The following LUZP2 variants were observed in gnomAD, a reference collection of about 807,000 sequenced individuals.
LUZP2 encodes leucine zipper protein 2.
A neutral mutation model predicts 51.6 loss-of-function variants in LUZP2; 52 were observed. The ratio of observed to expected loss-of-function variants is 1.01; its 90% CI spans 0.81 to 1.27. The LOEUF is 1.27. LUZP2 is among the 50% of genes most tolerant of loss of function. The probability of loss-of-function intolerance (pLI) is 0.00; values close to 1 mark genes in which losing one functional copy is unlikely to be tolerated. For missense variants in LUZP2, 436 were observed against 395.4 expected (o/e 1.10, Z -0.87); for synonymous variants, 154 against 137.3 (o/e 1.12, Z -0.85).
At chr11:25,010,180 G>A (rs1160119580) in intron 9 of LUZP2, among the ~76,000 whole-genome samples, 2 of 152,086 alleles carry the variant, frequency 1.3e-5, no homozygotes, top group Non-Finnish European at 2.9e-5. Flanking sequence ...TCAAGCATAT[G>A]CTGCTATTTC....
intron 7 of LUZP2, among the ~76,000 whole-genome samples, chr11:24,945,709 C>T (rs1235669787): frequency 1.3e-5 from 2 of 151,936 alleles, no homozygotes; most frequent in Non-Finnish European, 2.9e-5. Flanking sequence ...CATGGTTTTC[C>T]ATTTCTTCTA....
At chr11:24,588,331 C>T (rs1008046369) in intron 1 of LUZP2, among the ~76,000 whole-genome samples, 13 of 152,046 alleles carry the variant, frequency 8.6e-5, no homozygotes, top group African/African-American at 3.1e-4. Context: ...TCGCCATGGG[C>T]AATGACAGTT....
chr11:24,882,472 C>T (rs941917570), intron 5 of LUZP2, among the ~76,000 whole-genome samples: 6 of 151,964 alleles, frequency 3.9e-5, no homozygotes, highest in Non-Finnish European at 8.8e-5. Flanking sequence ...CCATAGTTTA[C>T]ATTAGGATAT....
intron 1 of LUZP2, among the ~76,000 whole-genome samples, chr11:24,548,873 A>T (rs1851638615): frequency 6.6e-6 from 1 of 152,000 alleles, no homozygotes. Context: ...CTAGAAGTAG[A>T]TGTTTGCTAA....
chr11:24,602,116 A>ATGTATATG (rs1565020357), intron 1 of LUZP2, among the ~76,000 whole-genome samples: 39 of 72,730 alleles, frequency 5.4e-4, no homozygotes, highest in African/African-American at 2.1e-3. Flanking sequence ...ATGTGTATAT[A>ATGTATATG]TGTATATATG....
intron 9 of LUZP2, among the ~76,000 whole-genome samples, chr11:24,995,603 G>A (rs1228453856): frequency 1.3e-5 from 2 of 151,290 alleles, no homozygotes; most frequent in East Asian, 3.9e-4. Context: ...AAGCTAGGTT[G>A]ACAGATTTTT....
At position 24,561,840 on chromosome 11, in the gene LUZP2, A is replaced by C. The variant is rs553190058; in HGVS notation, c.62+64535A>C. ...GTATAATAATAATAATGATAATAATAAAGAATTATGCTAAGGAAAGCACTA... is the reference window on the plus strand; with the variant it reads ...GTATAATAATAATAATGATAATAATCAAGAATTATGCTAAGGAAAGCACTA... On this transcript the variant is annotated intron_variant, in intron 1 of 11. Transcript: ENST00000336930. Among the ~76,000 whole-genome samples, 382 of 151,838 alleles carry C rather than the reference A, an allele frequency of 2.5e-3. 1 individual carries two copies. In the Middle Eastern group the frequency reaches 0.038, roughly 15 times the overall value.
At chr11:24,714,701 C>A (rs1346250858) in intron 1 of LUZP2, among the ~76,000 whole-genome samples, 2 of 152,064 alleles carry the variant, frequency 1.3e-5, no homozygotes, top group Non-Finnish European at 2.9e-5. Flanking sequence ...GCTCATGAAT[C>A]CTCCAATTTT....
chr11:24,991,168 GC>G (rs1363564800), intron 9 of LUZP2, among the ~76,000 whole-genome samples: 2 of 151,716 alleles, frequency 1.3e-5, no homozygotes, highest in Admixed American at 1.3e-4. Flanking sequence ...TCATTCATAT[GC>G]CTTTGCATCC....
At chr11:24,763,777 C>T (rs887018750) in intron 5 of LUZP2, among the ~76,000 whole-genome samples, 2 of 152,046 alleles carry the variant, frequency 1.3e-5, no homozygotes, top group Non-Finnish European at 2.9e-5. Flanking sequence ...TGTAAGCATC[C>T]TATTAAATAC....
At chr11:24,766,452 T>C (rs939850495) in intron 5 of LUZP2, among the ~76,000 whole-genome samples, 1 of 152,176 alleles carries the variant, frequency 6.6e-6, no homozygotes, top group East Asian at 1.9e-4. Flanking sequence ...AAGAAAAAGA[T>C]TGAAAATGTA....
intron 5 of LUZP2, among the ~76,000 whole-genome samples, chr11:24,890,143 A>G (rs1238303937): frequency 1.3e-5 from 2 of 152,184 alleles, no homozygotes; most frequent in Non-Finnish European, 2.9e-5. Context: ...TATAATCTGT[A>G]ACATGTAATT....
chr11:24,618,933 T>C (rs753560720), intron 1 of LUZP2, among the ~76,000 whole-genome samples: 1 of 152,148 alleles, frequency 6.6e-6, no homozygotes, highest in Non-Finnish European at 1.5e-5. Flanking sequence ...GCCATCATGC[T>C]TCAGCTAGAA....
At chr11:24,753,645 G>A (rs1275056191) in intron 4 of LUZP2, among the ~76,000 whole-genome samples, 2 of 152,154 alleles carry the variant, frequency 1.3e-5, no homozygotes, top group African/African-American at 4.8e-5. Context: ...CACATGAGGT[G>A]TGTTCAAATA....
intron 1 of LUZP2, among the ~76,000 whole-genome samples, chr11:24,519,892 C>G (rs564672692): frequency 1.3e-4 from 20 of 152,218 alleles, no homozygotes; most frequent in African/African-American, 4.6e-4. Context: ...CATGAAGATA[C>G]TTGTTGACAG....
intron 1 of LUZP2, among the ~76,000 whole-genome samples, chr11:24,720,725 CAG>C (rs1858234545): frequency 1.3e-5 from 2 of 152,062 alleles, no homozygotes; most frequent in Non-Finnish European, 2.9e-5. Flanking sequence ...TGTTTTGAGA[CAG>C]AGTCCCTGTC....
intron 5 of LUZP2, among the ~76,000 whole-genome samples, chr11:24,865,807 A>C (rs898852729): frequency 6.0e-5 from 9 of 148,804 alleles, no homozygotes; most frequent in African/African-American, 2.2e-4. Context: ...TGTATATATA[A>C]TTTATGTATT....
chr11:24,982,984 G>A (rs2133914283), intron 8 of LUZP2, 142 bp from the exon 9 acceptor site: 2 of 733,916 alleles, frequency 2.7e-6, no homozygotes, highest in South Asian at 2.0e-5. Context: ...ATGTCATAAT[G>A]AAATTTATAA....
chr11:24,987,110 C>T (rs117663950), intron 9 of LUZP2, among the ~76,000 whole-genome samples: 293 of 151,874 alleles, frequency 1.9e-3, no homozygotes, highest in Non-Finnish European at 2.4e-3. Context: ...TCACATAAAA[C>T]ATTAGCATAT....
Sources: allele counts gnomAD v4.1 joint callset (sites outside exome capture counted in the v4.1 genomes callset), GRCh38; gene constraint gnomAD v4.1.1; transcripts MANE v1.5; gene names NCBI Gene and HGNC (gene_info 2026-07-23, HGNC 2026-07-21).